The following FOCAD variants were observed in gnomAD, a reference collection of about 807,000 sequenced individuals.
FOCAD encodes the protein KIAA1797.
A neutral mutation model predicts 225.6 loss-of-function variants in FOCAD; 198 were observed. That is an observed-to-expected ratio of 0.88 (90% CI 0.78 to 0.99). FOCAD has a LOEUF of 0.99. Ranked by LOEUF, FOCAD falls within the 50% of genes least tolerant of loss-of-function variation. FOCAD has a pLI of 0.00. For missense variants in FOCAD, 2,713 were observed against 2,123.6 expected (o/e 1.28, Z -5.46); for synonymous variants, 897 against 755.0 (o/e 1.19, Z -3.08).
chr9:20,800,220 G>GT (rs1241015668), intron 11 of FOCAD, among the ~76,000 whole-genome samples: 3 of 152,158 alleles, frequency 2.0e-5, no homozygotes, highest in African/African-American at 7.2e-5. Context: ...GAGATCAGCT[G>GT]TTAGTCTGAT....
chr9:20,970,152 T>C (rs1247518573), intron 35 of FOCAD, among the ~76,000 whole-genome samples: 2 of 152,116 alleles, frequency 1.3e-5, no homozygotes, highest in African/African-American at 4.8e-5. Flanking sequence ...CTTTTAAAAA[T>C]TTGGCTACAG....
At chr9:20,959,075 T>C (rs887123283) in intron 35 of FOCAD, among the ~76,000 whole-genome samples, 5 of 152,186 alleles carry the variant, frequency 3.3e-5, no homozygotes, top group African/African-American at 1.2e-4. Flanking sequence ...TTAGATCATA[T>C]TGTAGTTCTA....
intron 9 of FOCAD, 58 bp downstream of exon 9, chr9:20,778,826 A>G: frequency 2.1e-6 from 2 of 971,414 alleles, no homozygotes; most frequent in Non-Finnish European, 3.3e-6. Flanking sequence ...TATTGACAGG[A>G]TTCACTTGAA....
rs1024046630 is a variant in FOCAD at position 20,796,229 on chromosome 9, G to A, written c.1455+6621G>A. On this transcript the variant is annotated intron_variant, in intron 11 of 43. Transcript: ENST00000338382. Reference sequence around the variant, plus strand: ...CAGTCCACCGTTGTTGGACATTTGGGTTGGTTCCAAGTCTTTGCTGTTGTA... The same window carrying A: ...CAGTCCACCGTTGTTGGACATTTGGATTGGTTCCAAGTCTTTGCTGTTGTA... Among the ~76,000 whole-genome samples, 8 of 152,300 alleles carry A rather than the reference G, an allele frequency of 5.3e-5. 1 individual carries two copies. In the South Asian group the frequency reaches 1.0e-3, roughly 20 times the overall value.
At chr9:20,720,703 C>T (rs1258560869) in intron 4 of FOCAD, among the ~76,000 whole-genome samples, 169 bp downstream of exon 4, 2 of 152,054 alleles carry the variant, frequency 1.3e-5, no homozygotes, top group Non-Finnish European at 2.9e-5. Flanking sequence ...TAATTTAAAC[C>T]CTATAGTTTC....
chr9:20,685,125 A>G (rs929166847), intron 1 of FOCAD, among the ~76,000 whole-genome samples: 6 of 151,966 alleles, frequency 3.9e-5, no homozygotes, highest in South Asian at 2.1e-4. Context: ...CATACCAGGT[A>G]TTAAAATCGG....
chr9:20,682,430 G>C (rs1328402091), upstream of FOCAD, among the ~76,000 whole-genome samples: 1 of 152,156 alleles, frequency 6.6e-6, no homozygotes, highest in Non-Finnish European at 1.5e-5. Flanking sequence ...CATGACCTTG[G>C]TCAAGATGCT....
At chr9:20,926,492 C>A in intron 26 of FOCAD, 75 bp downstream of exon 26, 3 of 977,750 alleles carry the variant, frequency 3.1e-6, no homozygotes, top group South Asian at 1.3e-5. Flanking sequence ...CACATGAAAT[C>A]GATTATATAG....
intron 15 of FOCAD, among the ~76,000 whole-genome samples, chr9:20,856,780 TA>T (rs1828226101): frequency 6.6e-6 from 1 of 152,004 alleles, no homozygotes; most frequent in Non-Finnish European, 1.5e-5. Context: ...TGGTGAGAGA[TA>T]GGGGTCAAGT....
intron 4 of FOCAD, among the ~76,000 whole-genome samples, chr9:20,723,756 A>G (rs1237772983): frequency 1.3e-5 from 2 of 152,240 alleles, no homozygotes; most frequent in Non-Finnish European, 2.9e-5. Flanking sequence ...GTGAAAAAAT[A>G]TATCTTGGAG....
At chr9:20,675,821 A>G (rs2131288868) in intron 2 of FOCAD, among the ~76,000 whole-genome samples, 1 of 152,306 alleles carries the variant, frequency 6.6e-6, no homozygotes, top group South Asian at 2.1e-4. Context: ...TGTACAAAAC[A>G]AGGTAGATGA....
In FOCAD at chr9:20,982,432, G is replaced by A. The variant is rs753108162; in HGVS notation, c.4714G>A (p.Ala1572Thr). 31 of 1,613,116 alleles carry A rather than the reference G, an allele frequency of 1.9e-5. No individual in the cohort carries two copies. The East Asian group carries it at 3.3e-4, about 17-fold the overall frequency. Residue 1572 changes from alanine (A) to threonine (T), a missense_variant, in exon 39 of 44, where the codon GCC becomes ACC. Ala to Thr is a moderately conservative substitution (Grantham distance 58). Transcript: ENST00000338382. ...GACAGATGATGATGCCAATCGGATC[G>A]CCCAGGTTACTAAGGTAATAACATA... Reference protein sequence around the residue: ...EMTDDDANRIAQVTKSNIEKA... With the variant: ...EMTDDDANRITQVTKSNIEKA...
chr9:20,862,381 A>G (rs1399854323), intron 15 of FOCAD, among the ~76,000 whole-genome samples, 197 bp from the exon 16 acceptor site: 3 of 152,066 alleles, frequency 2.0e-5, no homozygotes, highest in Non-Finnish European at 4.4e-5. Context: ...CAATTGTGTG[A>G]GGCAGGCATA....
chr9:20,691,451 C>CATT (rs1437639317), intron 1 of FOCAD, among the ~76,000 whole-genome samples: 2 of 151,392 alleles, frequency 1.3e-5, no homozygotes, highest in East Asian at 3.9e-4. Context: ...TAAATATTAG[C>CATT]ATTATTATTA....
intron 5 of FOCAD, among the ~76,000 whole-genome samples, chr9:20,748,801 C>T (rs1828290546): frequency 6.6e-6 from 1 of 152,084 alleles, no homozygotes; most frequent in Non-Finnish European, 1.5e-5. Flanking sequence ...GGTCTAATCA[C>T]CTGGGGTTTA....
intron 5 of FOCAD, among the ~76,000 whole-genome samples, chr9:20,749,276 T>A (rs779494505): frequency 6.6e-6 from 1 of 152,158 alleles, no homozygotes; most frequent in Non-Finnish European, 1.5e-5. Context: ...CTCTGCCTTA[T>A]AGACTCAAAG....
intron 4 of FOCAD, among the ~76,000 whole-genome samples, chr9:20,738,617 C>T (rs1827342902): frequency 6.6e-6 from 1 of 152,120 alleles, no homozygotes; most frequent in Admixed American, 6.5e-5. Flanking sequence ...TAAGAGGATC[C>T]ATATGGAAGA....
At chr9:20,984,977 T>A (rs935465360) in intron 39 of FOCAD, among the ~76,000 whole-genome samples, 5 of 152,130 alleles carry the variant, frequency 3.3e-5, no homozygotes, top group Admixed American at 6.5e-5. Flanking sequence ...ATTTTTATAT[T>A]TTTAGTAGAG....
intron 35 of FOCAD, 23 bp from the exon 36 acceptor site, chr9:20,976,394 CTAT>C (rs1840233763): frequency 6.2e-7 from 1 of 1,607,622 alleles, no homozygotes; most frequent in Non-Finnish European, 8.5e-7. Flanking sequence ...AGGTGTTTTA[CTAT>C]TATTTTTCAC....
Sources: gnomAD v4.1 joint callset for allele counts (sites outside exome capture counted in the v4.1 genomes callset) on GRCh38, gnomAD v4.1.1 for gene constraint, MANE v1.5 for transcripts, NCBI Gene and HGNC (gene_info 2026-07-23, HGNC 2026-07-21) for gene names.